The following WDR20 variants were observed in gnomAD, a reference collection of about 807,000 sequenced individuals.
WDR20 encodes WD repeat domain 20.
Under a neutral mutation model 38.7 loss-of-function variants are expected in WDR20, and 3 were observed. That is an observed-to-expected ratio of 0.08 (90% CI 0.04 to 0.20). WDR20 has a LOEUF of 0.20. WDR20 is among the 10% of genes least tolerant of loss of function. WDR20 has a pLI of 1.00. For synonymous variants in WDR20, 298 were observed against 285.6 expected (o/e 1.04, Z -0.44); for missense variants, 559 against 727.7 (o/e 0.77, Z 2.67).
intron 2 of WDR20, among the ~76,000 whole-genome samples, chr14:102,199,876 A>T (rs1317355299): frequency 1.3e-5 from 2 of 152,260 alleles, no homozygotes; most frequent in Non-Finnish European, 2.9e-5. Context: ...ATTGGAAAAT[A>T]GAGAGGTACA....
downstream of WDR20, chr14:102,214,837 T>A (rs1359143577): frequency 1.0e-6 from 1 of 983,890 alleles, no homozygotes; most frequent in Non-Finnish European, 1.2e-6. Context: ...AGTATTGTTT[T>A]ATAATTTTAA....
chr14:102,210,242 A>AT lies in WDR20; in HGVS notation c.*368dup. 2 of 1,016,022 alleles carry AT rather than the reference A, an allele frequency of 2.0e-6. No individual in the cohort carries two copies. Among genetic ancestry groups the AT allele is most frequent in the Non-Finnish European group, 2.4e-6 (2 of 848,824 alleles). 62.9% of individuals were successfully genotyped at this position (1,016,022 alleles called of 1,614,324 possible). On this transcript the variant is annotated 3_prime_UTR_variant, in exon 3 of 3. Transcript: ENST00000342702. Reference sequence around the variant, plus strand: ...TTAAAATTTATGCTTTAACTGGAATATTTTTTGCTTAACTACTCAATTAGA... The same window carrying AT: ...TTAAAATTTATGCTTTAACTGGAATATTTTTTTGCTTAACTACTCAATTAGA...
intron 2 of WDR20, among the ~76,000 whole-genome samples, chr14:102,200,851 C>A (rs113126590): frequency 0.011 from 1,731 of 152,316 alleles, 21 homozygotes; most frequent in Middle Eastern, 0.027. Flanking sequence ...TAGATCCAGT[C>A]TTACTGAAGG....
chr14:102,224,542 G>A (rs2064166000), downstream of WDR20: 1 of 455,974 alleles, frequency 2.2e-6, no homozygotes, highest in Non-Finnish European at 4.4e-6. Context: ...ACCATGAAGT[G>A]TCTGAAACCT....
chr14:102,200,323 A>G (rs2060081505), intron 2 of WDR20, among the ~76,000 whole-genome samples: 1 of 152,202 alleles, frequency 6.6e-6, no homozygotes, highest in South Asian at 2.1e-4. Flanking sequence ...ATCTTGGCGC[A>G]CGGTTCATCT....
chr14:102,145,529 G>A (rs374266922), intron 1 of WDR20, among the ~76,000 whole-genome samples: 3 of 152,294 alleles, frequency 2.0e-5, no homozygotes, highest in African/African-American at 7.2e-5. Context: ...AGGCCAAGGC[G>A]GGAGGATTGC....
chr14:102,180,787 C>G (rs1284617392), intron 1 of WDR20, among the ~76,000 whole-genome samples: 1 of 152,294 alleles, frequency 6.6e-6, no homozygotes, highest in East Asian at 1.9e-4. Flanking sequence ...TACCCTTTGT[C>G]GTAACCATGT....
chr14:102,165,147 T>C (rs2059504283), intron 1 of WDR20, among the ~76,000 whole-genome samples: 2 of 152,060 alleles, frequency 1.3e-5, no homozygotes, highest in South Asian at 4.2e-4. Context: ...GGTGGAACTG[T>C]GGCTCTCCCC....
intron 1 of WDR20, among the ~76,000 whole-genome samples, chr14:102,194,731 TATAG>T (rs1203444176): frequency 6.6e-6 from 1 of 152,226 alleles, no homozygotes; most frequent in Non-Finnish European, 1.5e-5. Context: ...GTAAACATAT[TATAG>T]ATAGTCTAAT....
At chr14:102,161,142 ATT>A (rs1233679287) in intron 1 of WDR20, among the ~76,000 whole-genome samples, 15 of 16,048 alleles carry the variant, frequency 9.3e-4, no homozygotes, top group African/African-American at 1.9e-3. Context: ...ATATATATAT[ATT>A]TTTTTTTTTT....
intron 1 of WDR20, among the ~76,000 whole-genome samples, chr14:102,152,853 G>T (rs1304432362): frequency 6.6e-6 from 1 of 152,110 alleles, no homozygotes; most frequent in East Asian, 1.9e-4. Flanking sequence ...ATTGTCCTGG[G>T]GTTTGAATCC....
At chr14:102,160,392 A>G (rs1381106060) in intron 1 of WDR20, among the ~76,000 whole-genome samples, 2 of 152,058 alleles carry the variant, frequency 1.3e-5, no homozygotes, top group Non-Finnish European at 2.9e-5. Context: ...ATAATATTTT[A>G]TTTGTTTTTG....
In WDR20 at chr14:102,207,103, C is replaced by A. The variant is rs187290562; in HGVS notation, c.433-1500C>A. ...GGCTGTGTCCCCAAGGCTGGCTTGC[C>A]ACGTGCCTATTAATTTAAGAGGACC... On this transcript the variant is annotated intron_variant, in intron 2 of 2. Coordinates refer to ENST00000342702, the MANE Select transcript of WDR20 (RefSeq NM_144574.4). This position sits in a 1 kb window ranked among gnomAD's most constrained non-coding sequence, Gnocchi z 5.0. Among the ~76,000 whole-genome samples, 84 of 152,354 alleles carry A rather than the reference C, an allele frequency of 5.5e-4. 1 individual carries two copies. Among genetic ancestry groups the A allele is most frequent in the African/African-American group, 2.0e-3 (83 of 41,574 alleles).
In WDR20 at chr14:102,207,928, C is replaced by G. The variant is rs762758367; in HGVS notation, c.433-675C>G. Among the ~76,000 whole-genome samples, 1 of 152,184 alleles carries G rather than the reference C, an allele frequency of 6.6e-6. No individual in the cohort carries two copies. Among genetic ancestry groups the G allele is most frequent in the Non-Finnish European group, 1.5e-5 (1 of 68,030 alleles). On this transcript the variant is annotated intron_variant, in intron 2 of 2. Transcript: ENST00000342702. This position sits in a 1 kb window ranked among gnomAD's most constrained non-coding sequence, Gnocchi z 5.0. ...TCCCGAATGAATCGTCAGTGTATCTCTCTCAACACCAGCAGAGAGGGTTTC... is the reference window on the plus strand; with the variant it reads ...TCCCGAATGAATCGTCAGTGTATCTGTCTCAACACCAGCAGAGAGGGTTTC...
At chr14:102,213,786 G>C, downstream of WDR20, 1 of 985,450 alleles carries the variant, frequency 1.0e-6, no homozygotes, top group Non-Finnish European at 1.2e-6. Flanking sequence ...CTGGGAGGGA[G>C]ACGTTTTCTT....
At chr14:102,173,531 A>G (rs2061435625) in intron 1 of WDR20, among the ~76,000 whole-genome samples, 1 of 150,438 alleles carries the variant, frequency 6.6e-6, no homozygotes. Flanking sequence ...ACATGGATAA[A>G]TTCTTCAGTG....
At position 102,222,994 on chromosome 14, in the gene WDR20, A is replaced by G. The variant is rs1186415841; in HGVS notation, c.*111A>G. On this transcript the variant is annotated 3_prime_UTR_variant, in exon 4 of 4. Coordinates refer to the WDR20 transcript ENST00000335263. This position sits in a 1 kb window ranked among gnomAD's most constrained non-coding sequence, Gnocchi z 4.4. Reference sequence around the variant, plus strand: ...CCAGCCGGCGGACCTCAGGCGGTGGACGTCGGCGATAGCCGTGTGGACGGT... The same window carrying G: ...CCAGCCGGCGGACCTCAGGCGGTGGGCGTCGGCGATAGCCGTGTGGACGGT... 1 of 1,337,342 alleles carries G rather than the reference A, an allele frequency of 7.5e-7. No homozygotes were observed. The highest frequency in any genetic ancestry group is 1.1e-6 in the Non-Finnish European group (1 of 941,780). The allele number at this position is 1,337,342 out of a possible 1,614,324, so 82.8% of individuals were successfully genotyped here.
chr14:102,151,552 C>T (rs938850547), intron 1 of WDR20, among the ~76,000 whole-genome samples: 3 of 151,682 alleles, frequency 2.0e-5, no homozygotes, highest in South Asian at 2.1e-4. Context: ...TGCACCACCA[C>T]GCCTGGCTAA....
intron 1 of WDR20, among the ~76,000 whole-genome samples, chr14:102,152,915 T>A (rs570506309): frequency 6.6e-6 from 1 of 152,296 alleles, no homozygotes; most frequent in East Asian, 1.9e-4. Context: ...TAGGGACTTA[T>A]ATTGTCAGTA....
Sources: allele counts gnomAD v4.1 joint callset (sites outside exome capture counted in the v4.1 genomes callset), GRCh38; gene constraint gnomAD v4.1.1; non-coding constraint Gnocchi (gnomAD v3.1); transcripts MANE v1.5; gene names NCBI Gene and HGNC (gene_info 2026-07-23, HGNC 2026-07-21).